The following LDB3 variants were observed in gnomAD, a reference collection of about 807,000 sequenced individuals.
LDB3 encodes the protein LIM domain-binding protein 3.
A neutral mutation model predicts 69.0 loss-of-function variants in LDB3; 49 were observed. The observed-to-expected ratio is 0.71, with a 90% CI of 0.56 to 0.90. The LOEUF (loss-of-function observed/expected upper bound fraction) is 0.90. Ranked by LOEUF, LDB3 falls within the 40% of genes least tolerant of loss-of-function variation. The pLI, the probability that LDB3 is intolerant of heterozygous loss-of-function variation, is 0.00. For synonymous variants in LDB3, 387 were observed against 396.2 expected (o/e 0.98, Z 0.28); for missense variants, 928 against 974.1 (o/e 0.95, Z 0.63).
rs111941601 is a variant in LDB3 at position 86,687,325 on chromosome 10, A to C, written c.690-4571A>C. Reference sequence around the variant, plus strand: ...TCAGTGCCTCCAGAGCCCGAGGGGTATGGGCCATTGGGCACCATCGGGACC... The same window carrying C: ...TCAGTGCCTCCAGAGCCCGAGGGGTCTGGGCCATTGGGCACCATCGGGACC... On this transcript the variant is annotated intron_variant, in intron 5 of 13. Coordinates refer to ENST00000361373, the MANE Select transcript of LDB3 (RefSeq NM_007078.3). 0.038 allele frequency: 58,967 copies of C among 1,533,356 alleles called. 1,333 individuals carry two copies. The highest frequency in any genetic ancestry group is 0.092 in the African/African-American group (6,742 of 73,318). 95.0% of individuals were successfully genotyped at this position (1,533,356 alleles called of 1,614,324 possible). A position where few individuals can be genotyped will look rare whatever the true frequency, so the allele number is the denominator to read the frequency against.
chr10:86,670,473 T>G (rs1395515069), intron 2 of LDB3, among the ~76,000 whole-genome samples: 1 of 152,072 alleles, frequency 6.6e-6, no homozygotes, highest in East Asian at 1.9e-4. Flanking sequence ...CTCCACCATC[T>G]CGAGGCCTCC....
intron 9 of LDB3, 198 bp downstream of exon 9, chr10:86,710,248 A>G: frequency 4.1e-6 from 4 of 985,398 alleles, no homozygotes; most frequent in Non-Finnish European, 4.8e-6. Context: ...GAGACAGGTG[A>G]GCAAGAAAGC....
chr10:86,667,766 A>G (rs1448844653), upstream of LDB3, among the ~76,000 whole-genome samples: 1 of 152,130 alleles, frequency 6.6e-6, no homozygotes, highest in African/African-American at 2.4e-5. Flanking sequence ...CCTGCCTCAG[A>G]CCTGCTTTCA....
chr10:86,681,787 G>A lies in LDB3; in HGVS notation c.673G>A (p.Val225Ile). 6.3e-7 allele frequency: 1 copy of A among 1,596,824 alleles called. No homozygotes were observed. The highest frequency in any genetic ancestry group is 8.5e-7 in the Non-Finnish European group (1 of 1,172,010). The change falls in exon 5 of 14, where the codon GTC becomes ATC. Residue 225 changes from valine to isoleucine, a missense_variant. Val to Ile is a conservative substitution (Grantham distance 29, BLOSUM62 3). Coordinates refer to ENST00000361373, the MANE Select transcript of LDB3 (RefSeq NM_007078.3). ...GAGCCTCCGAGGGAAGGCCTCGGGT[G>A]TCGGACTCCCAGGAGGGTAGGTAAC... ...QMSLRGKASG[V>I]GLPGGSLPIK...
At chr10:86,703,274 AC>A (rs1324891801) in intron 7 of LDB3, among the ~76,000 whole-genome samples, 3 of 152,162 alleles carry the variant, frequency 2.0e-5, no homozygotes, top group African/African-American at 7.2e-5. Context: ...CCCAGGCCAT[AC>A]CTGCCCACAC....
intron 7 of LDB3, among the ~76,000 whole-genome samples, chr10:86,694,314 G>A (rs181062688): frequency 1.3e-5 from 2 of 152,294 alleles, no homozygotes; most frequent in East Asian, 3.9e-4. Context: ...TAATTGAAGG[G>A]TGGGAGAGTA....
chr10:86,724,089 T>C (rs1847175977), intron 12 of LDB3, among the ~76,000 whole-genome samples: 2 of 151,516 alleles, frequency 1.3e-5, no homozygotes, highest in Admixed American at 1.3e-4. Flanking sequence ...GGCAGGTGGA[T>C]CACTTGAGGT....
intron 5 of LDB3, among the ~76,000 whole-genome samples, chr10:86,691,215 A>G (rs982325360): frequency 4.6e-5 from 7 of 152,204 alleles, no homozygotes; most frequent in Non-Finnish European, 1.0e-4. Context: ...GCCTAAGGGA[A>G]GGTCACCTGG....
Position 86,691,667 on chromosome 10 carries a change from TC to T in LDB3, c.690-228del, listed in dbSNP as rs11312118. Among the ~76,000 whole-genome samples the T allele has an allele frequency of 0.13, 20,211 of 151,992 alleles. 1,771 individuals carry two copies. Among genetic ancestry groups the T allele is most frequent in the African/African-American group, 0.23 (9,647 of 41,454 alleles). On this transcript the variant is annotated intron_variant, in intron 5 of 13. Coordinates refer to ENST00000361373, the MANE Select transcript of LDB3 (RefSeq NM_007078.3). ...ACTGGGGAAGGGCAGACCTGAGGGA[TC>T]TGAGCCTCCTGTCTCTCATGAGGGA... is the stretch of plus-strand genomic sequence containing the variant.
In LDB3 at chr10:86,691,878, CCTCT is replaced by C. The variant is rs544039308; in HGVS notation, c.690-13_690-10del. ...GCTCCAGCCTAGCCCTCGCCCACGG[CCTCT>C]CTCTGCATTACAGGAGCCTCCCTAT... On this transcript the variant is annotated splice_polypyrimidine_tract_variant and intron_variant, in intron 5 of 13. Transcript: ENST00000361373. The C allele has an allele frequency of 1.9e-6, 3 of 1,614,008 alleles. No individual in the cohort carries two copies. The Admixed American group carries it at 5.0e-5, about 27-fold the overall frequency.
At chr10:86,689,699 C>T (rs777105518) in intron 5 of LDB3, among the ~76,000 whole-genome samples, 2 of 152,212 alleles carry the variant, frequency 1.3e-5, no homozygotes, top group Non-Finnish European at 2.9e-5. Context: ...TCCCCAGAAT[C>T]CTCATGGGAA....
intron 6 of LDB3, 110 bp downstream of exon 6, chr10:86,692,175 GGT>G: frequency 7.8e-7 from 1 of 1,288,916 alleles, no homozygotes; most frequent in Non-Finnish European, 1.1e-6. Flanking sequence ...TGCCCTTGAA[GGT>G]GGGCCAGGCT....
At chr10:86,679,951 C>A (rs1845019627) in intron 3 of LDB3, 131 bp from the exon 4 acceptor site, 2 of 798,822 alleles carry the variant, frequency 2.5e-6, no homozygotes, top group African/African-American at 3.4e-5. Flanking sequence ...GGATCTGGGG[C>A]CCTCTGACTC....
At chr10:86,694,906 A>G (rs995735128) in intron 7 of LDB3, among the ~76,000 whole-genome samples, 6 of 152,102 alleles carry the variant, frequency 3.9e-5, no homozygotes, top group Non-Finnish European at 5.9e-5. Context: ...TCGAAGCTGC[A>G]CCCCTAGACT....
At chr10:86,725,523 A>C (rs1000469266) in intron 12 of LDB3, among the ~76,000 whole-genome samples, 1 of 152,206 alleles carries the variant, frequency 6.6e-6, no homozygotes, top group Non-Finnish European at 1.5e-5. Flanking sequence ...TGACATTGAC[A>C]TACTTGTAAA....
chr10:86,735,250 C>CAAAAAA lies in LDB3; in HGVS notation c.*2279_*2284dup. On this transcript the variant is annotated 3_prime_UTR_variant, in exon 14 of 14. Coordinates refer to ENST00000361373, the MANE Select transcript of LDB3 (RefSeq NM_007078.3). The stretch of plus-strand genomic sequence containing the variant: ...CTATTTGCCAAAAAGACAAAACTAG[C>CAAAAAA]AAAAAAAAAACAAAAAAACAAAAAA... The CAAAAAA allele has an allele frequency of 7.3e-6, 1 of 136,424 alleles. No individual in the cohort carries two copies. 8.5% of individuals were successfully genotyped at this position (136,424 alleles called of 1,614,324 possible). A position where few individuals can be genotyped will look rare whatever the true frequency, so the allele number is the denominator to read the frequency against.
chr10:86,668,610 C>A, intron 1 of LDB3, 40 bp downstream of exon 1: 1 of 1,086,370 alleles, frequency 9.2e-7, no homozygotes, highest in Non-Finnish European at 1.4e-6. Flanking sequence ...AGGTGTGGAC[C>A]GGGCAGGCGG....
At chr10:86,704,240 A>G (rs1297771589) in intron 7 of LDB3, among the ~76,000 whole-genome samples, 2 of 152,056 alleles carry the variant, frequency 1.3e-5, no homozygotes, top group African/African-American at 4.8e-5. Context: ...CACACATGGA[A>G]GTTTGCAAAG....
intron 8 of LDB3, among the ~76,000 whole-genome samples, chr10:86,708,335 G>T (rs1321298463): frequency 6.6e-6 from 1 of 152,224 alleles, no homozygotes; most frequent in Non-Finnish European, 1.5e-5. Context: ...ACATGGGCTG[G>T]GGTGGAGCGG....
Sources: gnomAD v4.1 joint callset for allele counts (sites outside exome capture counted in the v4.1 genomes callset) on GRCh38, gnomAD v4.1.1 for gene constraint, MANE v1.5 for transcripts, NCBI Gene and HGNC (gene_info 2026-07-23, HGNC 2026-07-21) for gene names.